The following DIS3L2 variants were observed in gnomAD, a reference collection of about 807,000 sequenced individuals.
The protein encoded by DIS3L2 is DIS3 like 3'-5' exoribonuclease 2.
Under a neutral mutation model 97.5 loss-of-function variants are expected in DIS3L2, and 34 were observed. That is an observed-to-expected ratio of 0.35 (90% CI 0.27 to 0.46). The LOEUF (loss-of-function observed/expected upper bound fraction) is 0.46. DIS3L2 is among the 20% of genes least tolerant of loss of function. DIS3L2 has a pLI of 1.00. For synonymous variants in DIS3L2, 435 were observed against 445.2 expected, an observed-to-expected ratio of 0.98 and a Z score of 0.29; for missense variants, 1,038 against 1,146.0, an observed-to-expected ratio of 0.91 and a Z score of 1.36.
At chr2:232,085,783 A>T (rs536495267) in intron 5 of DIS3L2, among the ~76,000 whole-genome samples, 16 of 152,164 alleles carry the variant, frequency 1.1e-4, no homozygotes, top group African/African-American at 3.6e-4. Context: ...ATGGATTAGT[A>T]TCTGGATTGG....
chr2:232,155,930 C>T (rs898488849), intron 8 of DIS3L2, among the ~76,000 whole-genome samples: 2 of 151,484 alleles, frequency 1.3e-5, no homozygotes, highest in African/African-American at 4.9e-5. Context: ...GCGGAGCTTG[C>T]AGTGAGCTGA....
intron 9 of DIS3L2, among the ~76,000 whole-genome samples, chr2:232,176,593 T>C (rs72992313): frequency 0.012 from 1,877 of 151,788 alleles, 17 homozygotes; most frequent in Non-Finnish European, 0.018. Context: ...TGTTTTGTTT[T>C]TGTTTTTTTC....
intron 13 of DIS3L2, among the ~76,000 whole-genome samples, chr2:232,296,432 T>C (rs1694727281): frequency 6.6e-6 from 1 of 152,232 alleles, no homozygotes; most frequent in African/African-American, 2.4e-5. Context: ...AGCCTTTACT[T>C]GGTAGGTGAT....
At position 231,987,787 on chromosome 2, in the gene DIS3L2, T is replaced by C. The variant is rs532223690; in HGVS notation, c.-94+26022T>C. On this transcript the variant is annotated intron_variant, in intron 1 of 20. Transcript: ENST00000325385. ...AGGGAGAAGAAGTACACCAGGTCTG[T>C]CATAGTTGTACTTTGGTGTTTTGGG... Among the ~76,000 whole-genome samples the C allele has an allele frequency of 3.9e-5, 6 of 152,318 alleles. No homozygotes were observed. In the South Asian group the frequency reaches 1.2e-3, roughly 32 times the overall value.
Position 232,276,034 on chromosome 2 carries a change from T to A in DIS3L2, c.1659+12594T>A, listed in dbSNP as rs1286946483. ...AAAAACAAATTAGAAATTATTTAAT[T>A]GCTCCTTGAATCGTGACCTCCTGGG... On this transcript the variant is annotated intron_variant, in intron 13 of 20. Coordinates refer to ENST00000325385, the MANE Select transcript of DIS3L2 (RefSeq NM_152383.5). The surrounding 1 kb of genome is among the most constrained non-coding windows in gnomAD (Gnocchi z 4.4). 6.6e-6 allele frequency among the ~76,000 whole-genome samples: 1 copy of A among 152,256 alleles called. No individual in the cohort carries two copies. The highest frequency in any genetic ancestry group is 1.5e-5 in the Non-Finnish European group (1 of 68,044).
intron 11 of DIS3L2, 32 bp downstream of exon 11, chr2:232,238,677 G>T: frequency 6.4e-7 from 1 of 1,570,850 alleles, no homozygotes; most frequent in Non-Finnish European, 8.7e-7. Flanking sequence ...CTTTTTTCTT[G>T]CTTTGTTTAT....
At chr2:232,288,898 A>G (rs1266141598) in intron 13 of DIS3L2, among the ~76,000 whole-genome samples, 1 of 152,238 alleles carries the variant, frequency 6.6e-6, no homozygotes, top group Non-Finnish European at 1.5e-5. Context: ...CTTACAACAA[A>G]GGAAATGAAC....
chr2:232,262,721 G>C (rs550752903), intron 12 of DIS3L2, among the ~76,000 whole-genome samples: 9 of 152,172 alleles, frequency 5.9e-5, no homozygotes, highest in African/African-American at 1.9e-4. Context: ...GTCGGAATGG[G>C]TTTCCTCTTT....
At chr2:232,329,751 G>A in intron 14 of DIS3L2, 62 bp from the exon 15 acceptor site, 1 of 1,410,778 alleles carries the variant, frequency 7.1e-7, no homozygotes, top group Non-Finnish European at 9.4e-7. Context: ...TGCAGCGTGG[G>A]AAAGCCTGCG....
intron 9 of DIS3L2, among the ~76,000 whole-genome samples, chr2:232,165,169 T>G (rs1453521661): frequency 6.6e-6 from 1 of 152,198 alleles, no homozygotes; most frequent in Non-Finnish European, 1.5e-5. Flanking sequence ...AAGGAATGGT[T>G]TAGTAACCTG....
chr2:232,024,149 C>G, intron 3 of DIS3L2, 128 bp from the exon 4 acceptor site: 2 of 613,290 alleles, frequency 3.3e-6, no homozygotes, highest in East Asian at 3.0e-5. Flanking sequence ...ATGAATATTT[C>G]TTATACATCT....
intron 5 of DIS3L2, among the ~76,000 whole-genome samples, chr2:232,039,790 G>T (rs1463437832): frequency 1.3e-5 from 2 of 152,178 alleles, no homozygotes; most frequent in African/African-American, 4.8e-5. Context: ...CAGAACCAGG[G>T]ATAGAATCCA....
chr2:232,213,296 C>T (rs1396602422), intron 10 of DIS3L2, among the ~76,000 whole-genome samples: 2 of 152,152 alleles, frequency 1.3e-5, no homozygotes, highest in African/African-American at 2.4e-5. Flanking sequence ...TAGCCTACTG[C>T]ACCAGGTGAT....
At chr2:232,164,458 T>G (rs1288207187) in intron 9 of DIS3L2, among the ~76,000 whole-genome samples, 1 of 152,196 alleles carries the variant, frequency 6.6e-6, no homozygotes, top group Non-Finnish European at 1.5e-5. Flanking sequence ...TACAACCCAC[T>G]GAGGCTGTGG....
At chr2:232,203,759 G>C (rs1196086994) in intron 9 of DIS3L2, among the ~76,000 whole-genome samples, 5 of 152,184 alleles carry the variant, frequency 3.3e-5, no homozygotes, top group Non-Finnish European at 4.4e-5. Flanking sequence ...TAGGGCGCAT[G>C]GGGGAGAGAT....
chr2:232,329,785 T>TGCCCGGGGGGGGGCCCCCC, intron 14 of DIS3L2, 28 bp from the exon 15 acceptor site: 25 of 967,086 alleles, frequency 2.6e-5, no homozygotes, highest in Admixed American at 6.8e-5. Flanking sequence ...ACCCCAGCGG[T>TGCCCGGGGGGGGGCCCCCC]CCCTCCCATC....
intron 8 of DIS3L2, among the ~76,000 whole-genome samples, chr2:232,142,906 C>T (rs764806908): frequency 3.3e-5 from 5 of 152,104 alleles, no homozygotes; most frequent in African/African-American, 9.7e-5. Flanking sequence ...GCTGTGATGC[C>T]ATTATATCTG....
At chr2:232,055,578 A>G (rs934073966) in intron 5 of DIS3L2, among the ~76,000 whole-genome samples, 1 of 152,246 alleles carries the variant, frequency 6.6e-6, no homozygotes, top group Non-Finnish European at 1.5e-5. Flanking sequence ...ACAGAATCCA[A>G]GCCAACATTC....
intron 5 of DIS3L2, among the ~76,000 whole-genome samples, chr2:232,065,373 T>C (rs1007867475): frequency 2.0e-5 from 3 of 152,072 alleles, no homozygotes; most frequent in South Asian, 2.1e-4. Context: ...CTATTGTCCA[T>C]TTCAAGTTAA....
Sources: gnomAD v4.1 joint callset for allele counts (sites outside exome capture counted in the v4.1 genomes callset) on GRCh38, gnomAD v4.1.1 for gene constraint, Gnocchi (gnomAD v3.1) non-coding constraint, MANE v1.5 for transcripts, NCBI Gene and HGNC (gene_info 2026-07-23, HGNC 2026-07-21) for gene names.